Variants in HSD17B12 observed in about 807,000 individuals in gnomAD.
HSD17B12 encodes the protein hydroxysteroid 17-beta dehydrogenase 12.
In HSD17B12, 32 loss-of-function variants were observed where a neutral mutation model predicts 39.3. The observed-to-expected ratio is 0.81, with a 90% CI of 0.61 to 1.09. The LOEUF (loss-of-function observed/expected upper bound fraction) is 1.09, where lower values mean the gene tolerates loss of function less well. HSD17B12 is among the 50% of genes least tolerant of loss of function. HSD17B12 has a pLI of 0.00. For synonymous variants in HSD17B12, 150 were observed against 146.7 expected, an observed-to-expected ratio of 1.02 and a Z score of -0.16; for missense variants, 342 against 382.9, an observed-to-expected ratio of 0.89 and a Z score of 0.89.
the HSD17B12 span, among the ~76,000 whole-genome samples, chr11:43,615,253 C>T: frequency 6.6e-6 from 1 of 152,092 alleles, no homozygotes; most frequent in East Asian, 1.9e-4. Flanking sequence ...GTTAAATGCC[C>T]AGTATGTTCA....
At chr11:43,666,671 T>C in the HSD17B12 span, among the ~76,000 whole-genome samples, 1 of 152,198 alleles carries the variant, frequency 6.6e-6, no homozygotes, top group Non-Finnish European at 1.5e-5. Flanking sequence ...TCATTAACAT[T>C]CTCATAATAC....
chr11:43,626,767 C>G, the HSD17B12 span, among the ~76,000 whole-genome samples: 1 of 151,814 alleles, frequency 6.6e-6, no homozygotes. Context: ...ATAATCATAT[C>G]TTACTAAATA....
intron 1 of HSD17B12, among the ~76,000 whole-genome samples, chr11:43,740,613 T>C (rs1157530803): frequency 2.0e-5 from 3 of 152,214 alleles, no homozygotes; most frequent in Non-Finnish European, 4.4e-5. Flanking sequence ...ACCCTAAGAT[T>C]ACTTCATGGT....
At chr11:43,655,118 C>A in the HSD17B12 span, among the ~76,000 whole-genome samples, 2 of 152,182 alleles carry the variant, frequency 1.3e-5, no homozygotes, top group African/African-American at 4.8e-5. Flanking sequence ...AGAGGTCCTT[C>A]ACATCCCTTG....
chr11:43,717,453 A>T (rs972080722), intron 1 of HSD17B12, among the ~76,000 whole-genome samples: 27 of 152,218 alleles, frequency 1.8e-4, no homozygotes, highest in Admixed American at 1.6e-3. Context: ...ACCTATTGCT[A>T]TATAACAAAC....
chr11:43,662,248 G>A, the HSD17B12 span, among the ~76,000 whole-genome samples: 749 of 149,830 alleles, frequency 5.0e-3, 6 homozygotes, highest in African/African-American at 0.017. Flanking sequence ...ACCTAGGCTG[G>A]AGTGCAGTGG....
At chr11:43,697,466 G>A (rs1246893295) in intron 1 of HSD17B12, among the ~76,000 whole-genome samples, 1 of 152,128 alleles carries the variant, frequency 6.6e-6, no homozygotes, top group Non-Finnish European at 1.5e-5. Context: ...CATTTAATCT[G>A]CACATAATGT....
intron 7 of HSD17B12, chr11:43,833,810 C>T (rs897445059): frequency 1.3e-5 from 2 of 152,164 alleles, no homozygotes; most frequent in Admixed American, 1.3e-4. Context: ...AGAACTATAG[C>T]CTAGGGCCAA....
the HSD17B12 span, among the ~76,000 whole-genome samples, chr11:43,563,922 CT>C: frequency 1.3e-5 from 2 of 149,714 alleles, no homozygotes; most frequent in South Asian, 4.2e-4. Flanking sequence ...CTTTTTTTTT[CT>C]TTTTTTTTAG....
chr11:43,742,464 C>T (rs1265361085), intron 1 of HSD17B12, among the ~76,000 whole-genome samples: 2 of 152,048 alleles, frequency 1.3e-5, no homozygotes, highest in African/African-American at 4.8e-5. Flanking sequence ...GCAGGACAAC[C>T]CTTATTCCCA....
At chr11:43,581,942 G>A in the HSD17B12 span, among the ~76,000 whole-genome samples, 1 of 152,196 alleles carries the variant, frequency 6.6e-6, no homozygotes. This position sits in a 1 kb window ranked among gnomAD's most constrained non-coding sequence, Gnocchi z 4.9. Context: ...ATATGGGGGT[G>A]GGGAAGCCCT....
the HSD17B12 span, among the ~76,000 whole-genome samples, chr11:43,573,876 C>T: frequency 6.6e-6 from 1 of 152,286 alleles, no homozygotes; most frequent in African/African-American, 2.4e-5. Flanking sequence ...TCCAAGGAGA[C>T]TTTATTGAAA....
chr11:43,759,894 A>C (rs1487693172), intron 3 of HSD17B12, among the ~76,000 whole-genome samples: 1 of 142,464 alleles, frequency 7.0e-6, no homozygotes, highest in Non-Finnish European at 1.5e-5. Context: ...CACTTGGCTG[A>C]TTTTTTTTTT....
At chr11:43,776,937 AG>A (rs1476663940) in intron 3 of HSD17B12, among the ~76,000 whole-genome samples, 1 of 152,076 alleles carries the variant, frequency 6.6e-6, no homozygotes, top group African/African-American at 2.4e-5. Context: ...GTTATTTCTG[AG>A]GGCTCTGTTC....
intron 9 of HSD17B12, among the ~76,000 whole-genome samples, chr11:43,850,840 T>A (rs1007089427): frequency 1.3e-4 from 20 of 152,182 alleles, no homozygotes; most frequent in Non-Finnish European, 2.4e-4. Flanking sequence ...GGCAGGCGGA[T>A]CACCTGAGGT....
chr11:43,816,381 C>T lies in HSD17B12; in HGVS notation c.491C>T (p.Ser164Phe). The T allele has an allele frequency of 6.6e-7, 1 of 1,524,812 alleles. No homozygotes were observed. Among genetic ancestry groups the T allele is most frequent in the South Asian group, 1.2e-5 (1 of 82,380 alleles). 94.5% of individuals were successfully genotyped at this position (1,524,812 alleles called of 1,614,324 possible). ...AAAATGATAAATATTAATATTCTTT[C>T]TGTTTGTAAGGTAAGCATCCTTGTT... ...IKKMININIL[S>F]VCKMTQLVLP... Residue 164 changes from serine to phenylalanine, a missense_variant, in exon 6 of 11, where the codon TCT becomes TTT. Coordinates refer to ENST00000278353, the MANE Select transcript of HSD17B12 (RefSeq NM_016142.3).
intron 1 of HSD17B12, among the ~76,000 whole-genome samples, chr11:43,714,799 T>C (rs1590685950): frequency 6.6e-6 from 1 of 152,212 alleles, no homozygotes; most frequent in South Asian, 2.1e-4. Context: ...TTTTATTTCG[T>C]TGAGCAGTGG....
intron 4 of HSD17B12, among the ~76,000 whole-genome samples, chr11:43,810,180 C>A (rs1448054351): frequency 1.3e-5 from 2 of 151,936 alleles, no homozygotes; most frequent in African/African-American, 4.8e-5. Flanking sequence ...TCACGCCTAA[C>A]CCAGATACCA....
chr11:43,610,159 T>C, the HSD17B12 span, among the ~76,000 whole-genome samples: 1 of 152,252 alleles, frequency 6.6e-6, no homozygotes, highest in East Asian at 1.9e-4. Flanking sequence ...CATTATTGTT[T>C]ACTTATGTAG....
Sources: allele counts gnomAD v4.1 joint callset (sites outside exome capture counted in the v4.1 genomes callset), GRCh38; gene constraint gnomAD v4.1.1; non-coding constraint Gnocchi (gnomAD v3.1); transcripts MANE v1.5; gene names NCBI Gene and HGNC (gene_info 2026-07-23, HGNC 2026-07-21).